The following CSMD1 variants were observed in gnomAD, a reference collection of about 807,000 sequenced individuals.
CSMD1 encodes CUB and Sushi multiple domains 1, also known as CUB and sushi domain-containing protein 1.
In CSMD1, 213 loss-of-function variants were observed where a neutral mutation model predicts 417.5. The ratio of observed to expected loss-of-function variants is 0.51; its 90% CI spans 0.46 to 0.57. The LOEUF (loss-of-function observed/expected upper bound fraction) is 0.57, where lower values mean the gene tolerates loss of function less well. CSMD1 is among the 20% of genes least tolerant of loss of function. The pLI, the probability that CSMD1 is intolerant of heterozygous loss-of-function variation, is 0.00. For synonymous variants in CSMD1, 2,862 were observed against 1,736.8 expected, an observed-to-expected ratio of 1.65 and a Z score of -16.11; for missense variants, 6,923 against 4,529.7, an observed-to-expected ratio of 1.53 and a Z score of -15.17.
In CSMD1 at chr8:4,322,476, A is replaced by G. The variant is rs1399845546; in HGVS notation, c.415+97477T>C. 3.3e-5 allele frequency among the ~76,000 whole-genome samples: 5 copies of G among 152,174 alleles called. No individual in the cohort carries two copies. In the East Asian group the frequency reaches 9.6e-4, roughly 29 times the overall value. ...AAAAACCCATAGCTCTTAGGGATTAAAAGAGTGAAAGCTGTATGCAGTTGT... is the reference window on the plus strand; with the variant it reads ...AAAAACCCATAGCTCTTAGGGATTAGAAGAGTGAAAGCTGTATGCAGTTGT... On this transcript the variant is annotated intron_variant, in intron 3 of 69. Transcript: ENST00000635120.
chr8:2,992,048 G>T (rs922728806), intron 54 of CSMD1, among the ~76,000 whole-genome samples: 4 of 152,188 alleles, frequency 2.6e-5, no homozygotes, highest in Admixed American at 2.0e-4. Context: ...ATTTTAGTGT[G>T]TATGTATAGC....
At chr8:4,132,174 G>A (rs12155841) in intron 3 of CSMD1, among the ~76,000 whole-genome samples, 42,119 of 149,274 alleles carry the variant, frequency 0.28, 6,140 homozygotes, top group East Asian at 0.4. Context: ...TTGTTTATGC[G>A]GGTAAAATTT....
intron 3 of CSMD1, among the ~76,000 whole-genome samples, chr8:4,383,171 C>T (rs1803216151): frequency 6.6e-6 from 1 of 152,110 alleles, no homozygotes; most frequent in African/African-American, 2.4e-5. Context: ...ACCTTAGCTC[C>T]AGATGACATT....
At chr8:3,418,243 C>G (rs557344390) in intron 12 of CSMD1, among the ~76,000 whole-genome samples, 21 of 152,220 alleles carry the variant, frequency 1.4e-4, no homozygotes, top group African/African-American at 4.8e-4. Context: ...AAATGCTGGA[C>G]TCTGGAAATT....
intron 5 of CSMD1, among the ~76,000 whole-genome samples, chr8:3,792,107 C>T (rs1375853015): frequency 6.6e-6 from 1 of 152,040 alleles, no homozygotes; most frequent in South Asian, 2.1e-4. Context: ...GAGCCTGGGC[C>T]AAATAGGGAG....
At chr8:2,948,406 C>T (rs1208291928) in intron 68 of CSMD1, among the ~76,000 whole-genome samples, 4 of 151,844 alleles carry the variant, frequency 2.6e-5, no homozygotes, top group Non-Finnish European at 4.4e-5. Flanking sequence ...TATGTTCCTC[C>T]TTTAATCACT....
chr8:3,667,388 A>T (rs1798749343), intron 7 of CSMD1, among the ~76,000 whole-genome samples: 1 of 152,010 alleles, frequency 6.6e-6, no homozygotes, highest in Admixed American at 6.6e-5. Context: ...GTCTCGGAGG[A>T]GTGAAAATTG....
chr8:3,525,674 A>T (rs1283254194), intron 10 of CSMD1, among the ~76,000 whole-genome samples: 1 of 152,196 alleles, frequency 6.6e-6, no homozygotes, highest in African/African-American at 2.4e-5. Context: ...ATGGAATTAA[A>T]TGCTGCTCTA....
intron 1 of CSMD1, among the ~76,000 whole-genome samples, chr8:4,812,099 T>C (rs1798941726): frequency 6.6e-6 from 1 of 152,222 alleles, no homozygotes; most frequent in African/African-American, 2.4e-5. Context: ...CCTACGCAGC[T>C]GGACAGGAGT....
At chr8:4,009,459 T>C (rs1287889652) in intron 4 of CSMD1, among the ~76,000 whole-genome samples, 1 of 152,230 alleles carries the variant, frequency 6.6e-6, no homozygotes, top group Non-Finnish European at 1.5e-5. Context: ...TTAAATAAGC[T>C]ATGATACATT....
intron 52 of CSMD1, among the ~76,000 whole-genome samples, chr8:3,007,353 G>C (rs956276424): frequency 5.9e-5 from 9 of 151,964 alleles, no homozygotes; most frequent in African/African-American, 9.7e-5. Flanking sequence ...CATTGTGGAA[G>C]TCAGTGTGGC....
intron 2 of CSMD1, among the ~76,000 whole-genome samples, chr8:4,450,844 G>A (rs751519577): frequency 6.6e-6 from 1 of 152,096 alleles, no homozygotes; most frequent in Non-Finnish European, 1.5e-5. Flanking sequence ...TAAGGGTGGT[G>A]GATGTGAGAG....
intron 5 of CSMD1, among the ~76,000 whole-genome samples, chr8:3,774,438 C>G (rs761239519): frequency 6.6e-6 from 1 of 152,158 alleles, no homozygotes. Flanking sequence ...CATGATATCT[C>G]CATGCTGCCT....
intron 3 of CSMD1, among the ~76,000 whole-genome samples, chr8:4,267,804 A>C (rs1173735564): frequency 1.3e-5 from 2 of 152,124 alleles, no homozygotes. Context: ...GAAAAGGTAC[A>C]TTGCAGGTGT....
At chr8:4,898,826 G>T (rs534914891) in intron 1 of CSMD1, among the ~76,000 whole-genome samples, 2 of 152,220 alleles carry the variant, frequency 1.3e-5, no homozygotes, top group Non-Finnish European at 2.9e-5. Context: ...TTAATCAAAA[G>T]TTGTGGCAGG....
At chr8:4,175,155 A>C (rs1445521086) in intron 3 of CSMD1, among the ~76,000 whole-genome samples, 1 of 151,950 alleles carries the variant, frequency 6.6e-6, no homozygotes, top group Non-Finnish European at 1.5e-5. Flanking sequence ...CCATCAAGAA[A>C]GATCATTGTT....
Position 4,017,619 on chromosome 8 carries a change from T to C in CSMD1, c.610+14286A>G, listed in dbSNP as rs78608526. 6.8e-3 allele frequency among the ~76,000 whole-genome samples: 1,028 copies of C among 152,290 alleles called. 22 individuals carry two copies. Among genetic ancestry groups the C allele is most frequent in the East Asian group, 0.067 (346 of 5,186 alleles). ...CCGTGCCCAGCTGCCACCTCGTTTA[T>C]AACTCTAAATTGTGTAGAAAATATT... On this transcript the variant is annotated intron_variant, in intron 4 of 69. Transcript: ENST00000635120.
At chr8:4,542,817 T>C (rs1015110979) in intron 2 of CSMD1, among the ~76,000 whole-genome samples, 5 of 152,186 alleles carry the variant, frequency 3.3e-5, no homozygotes, top group African/African-American at 1.2e-4. Context: ...AACATGATTA[T>C]ATTATTAAAT....
intron 3 of CSMD1, among the ~76,000 whole-genome samples, chr8:4,062,294 G>A (rs1469178063): frequency 1.3e-5 from 2 of 152,072 alleles, no homozygotes. Context: ...GCAGAATAGA[G>A]CATGTCAACT....
Sources: gnomAD v4.1 joint callset for allele counts (sites outside exome capture counted in the v4.1 genomes callset) on GRCh38, gnomAD v4.1.1 for gene constraint, MANE v1.5 for transcripts, NCBI Gene and HGNC (gene_info 2026-07-23, HGNC 2026-07-21) for gene names.